The following RTN4RL1 variants were observed in gnomAD, a reference collection of about 807,000 sequenced individuals.
The protein encoded by RTN4RL1 is reticulon 4 receptor like 1.
In RTN4RL1, 7 loss-of-function variants were observed where a neutral mutation model predicts 25.6. The ratio of observed to expected loss-of-function variants is 0.27; its 90% CI spans 0.16 to 0.51. RTN4RL1 has a LOEUF of 0.51. Ranked by LOEUF, RTN4RL1 falls within the 20% of genes least tolerant of loss-of-function variation. RTN4RL1 has a pLI of 0.97. For missense variants in RTN4RL1, 500 were observed against 615.6 expected (o/e 0.81, Z 1.99); for synonymous variants, 297 against 288.2 (o/e 1.03, Z -0.31).
intron 1 of RTN4RL1, among the ~76,000 whole-genome samples, chr17:2,001,837 G>C (rs73976171): frequency 2.0e-5 from 3 of 151,922 alleles, no homozygotes; most frequent in South Asian, 2.1e-4. Flanking sequence ...GTGACTGCGG[G>C]ATTCTCCCCT....
At chr17:1,972,509 C>T (rs893412881) in intron 1 of RTN4RL1, among the ~76,000 whole-genome samples, 1 of 151,984 alleles carries the variant, frequency 6.6e-6, no homozygotes. Context: ...AGCCTGGCCA[C>T]CCTTGACCCT....
intron 1 of RTN4RL1, among the ~76,000 whole-genome samples, chr17:1,958,853 A>G (rs1163246373): frequency 6.6e-6 from 1 of 152,254 alleles, no homozygotes; most frequent in East Asian, 1.9e-4. Context: ...ATGGATCTTG[A>G]ATAAAATTGT....
chr17:1,951,872 C>T lies in RTN4RL1; in HGVS notation c.14-14064G>A, dbSNP rs557165145. On this transcript the variant is annotated intron_variant, in intron 1 of 1. Coordinates refer to ENST00000331238, the MANE Select transcript of RTN4RL1 (RefSeq NM_178568.4). ...GCGACTTGGAGGCCACTGGAAAGTT[C>T]CTTCCTGGCAGAAAGGCGGAGGCAG... Among the ~76,000 whole-genome samples, 31 of 152,256 alleles carry T rather than the reference C, an allele frequency of 2.0e-4. 1 individual carries two copies. The South Asian group carries it at 5.8e-3, about 29-fold the overall frequency.
At chr17:1,967,883 C>T (rs983244321) in intron 1 of RTN4RL1, among the ~76,000 whole-genome samples, 2 of 152,148 alleles carry the variant, frequency 1.3e-5, no homozygotes, top group Non-Finnish European at 2.9e-5. Context: ...TCAGGTGATC[C>T]ACTCGCCTCA....
chr17:2,002,970 TCA>T (rs1460621409), intron 1 of RTN4RL1: 1 of 152,254 alleles, frequency 6.6e-6, no homozygotes, highest in Non-Finnish European at 1.5e-5. Context: ...TGCTGCTCTC[TCA>T]GGACAAACCC....
intron 1 of RTN4RL1, among the ~76,000 whole-genome samples, chr17:2,015,634 G>T (rs9902057): frequency 0.01 from 1,558 of 152,330 alleles, 29 homozygotes; most frequent in African/African-American, 0.036. Context: ...ATAAGGAAAA[G>T]GTCTGTCGGG....
chr17:2,017,402 G>A (rs937164639), intron 1 of RTN4RL1, among the ~76,000 whole-genome samples: 11 of 152,144 alleles, frequency 7.2e-5, no homozygotes, highest in African/African-American at 1.9e-4. Flanking sequence ...GTCACGAGTC[G>A]TGCCCACCCA....
chr17:1,938,983 T>C (rs1915374340), intron 1 of RTN4RL1, among the ~76,000 whole-genome samples: 1 of 151,218 alleles, frequency 6.6e-6, no homozygotes, highest in South Asian at 2.1e-4. Flanking sequence ...GAGGCGGAGG[T>C]TGCAGTGAGC....
intron 1 of RTN4RL1, among the ~76,000 whole-genome samples, chr17:1,951,248 G>T (rs1036183523): frequency 2.0e-5 from 3 of 151,130 alleles, no homozygotes; most frequent in African/African-American, 7.3e-5. Context: ...CTGGGCGACA[G>T]AGCGAGACTC....
chr17:1,961,804 A>G (rs141436425), intron 1 of RTN4RL1, among the ~76,000 whole-genome samples: 30,533 of 134,344 alleles, frequency 0.23, 4,774 homozygotes, highest in Non-Finnish European at 0.32. Context: ...AAAAATTAGC[A>G]GGGCGTGGTG....
At chr17:2,002,261 TTCTTTCTC>T (rs2066963070) in intron 1 of RTN4RL1, among the ~76,000 whole-genome samples, 1 of 150,164 alleles carries the variant, frequency 6.7e-6, no homozygotes, top group South Asian at 2.1e-4. Flanking sequence ...CCTTTCTTTT[TTCTTTCTC>T]TCTTTCTCTT....
rs143633744 is a variant in RTN4RL1 at position 1,970,061 on chromosome 17, G to A, written c.14-32253C>T. Among the ~76,000 whole-genome samples, 114 of 142,406 alleles carry A rather than the reference G, an allele frequency of 8.0e-4. 4 individuals are homozygous for A. The South Asian group carries it at 0.022, about 27-fold the overall frequency. The allele number at this position is 142,406 out of a possible 152,430, so 93.4% of individuals were successfully genotyped here. Reference sequence around the variant, plus strand: ...TTTTGAGATAGAGTTTCACTCTGTCGTCTAGGCTGGAGTGCAATGGCGCAA... The same window carrying A: ...TTTTGAGATAGAGTTTCACTCTGTCATCTAGGCTGGAGTGCAATGGCGCAA... On this transcript the variant is annotated intron_variant, in intron 1 of 1. Transcript: ENST00000331238.
At chr17:1,978,633 TGG>T (rs35569086) in intron 1 of RTN4RL1, among the ~76,000 whole-genome samples, 2 of 146,512 alleles carry the variant, frequency 1.4e-5, no homozygotes, top group Non-Finnish European at 1.5e-5. Context: ...ATCCGGAAAA[TGG>T]GGGGGGTGGA....
chr17:1,940,455 C>T (rs1480818209), intron 1 of RTN4RL1, among the ~76,000 whole-genome samples: 2 of 152,258 alleles, frequency 1.3e-5, no homozygotes, highest in Admixed American at 6.5e-5. Context: ...TCCTACCACA[C>T]GTAGGAGATG....
At chr17:1,949,081 A>T (rs532241545) in intron 1 of RTN4RL1, among the ~76,000 whole-genome samples, 6 of 151,176 alleles carry the variant, frequency 4.0e-5, no homozygotes, top group Non-Finnish European at 8.8e-5. Flanking sequence ...CTCAGCCTCC[A>T]GAGTAGCTGG....
intron 1 of RTN4RL1, among the ~76,000 whole-genome samples, chr17:1,974,686 A>T (rs1217773685): frequency 1.4e-5 from 2 of 137,950 alleles, no homozygotes; most frequent in African/African-American, 2.7e-5. Flanking sequence ...CAGAGCGAGA[A>T]CTTTGGTCAG....
Position 1,974,572 on chromosome 17 carries a change from C to T in RTN4RL1, c.14-36764G>A, listed in dbSNP as rs574596661. 2.0e-5 allele frequency among the ~76,000 whole-genome samples: 3 copies of T among 152,232 alleles called. No individual in the cohort carries two copies. The South Asian group carries it at 6.2e-4, about 32-fold the overall frequency. ...GGGCATCCACAGGGATAGTAAATAA[C>T]AGGCAAGAACCCACTGGTGTTACTA... On this transcript the variant is annotated intron_variant, in intron 1 of 1. Transcript: ENST00000331238.
chr17:2,012,247 G>A (rs1043782190), intron 1 of RTN4RL1, among the ~76,000 whole-genome samples: 2 of 152,200 alleles, frequency 1.3e-5, no homozygotes, highest in Admixed American at 1.3e-4. Flanking sequence ...CCAAGCGAGA[G>A]GTTATTTTCC....
chr17:1,941,821 C>A (rs1443948331), intron 1 of RTN4RL1, among the ~76,000 whole-genome samples: 1 of 152,160 alleles, frequency 6.6e-6, no homozygotes, highest in Non-Finnish European at 1.5e-5. Flanking sequence ...TCTGGTACCC[C>A]CTGCCAGAGC....
Sources: allele counts gnomAD v4.1 joint callset (sites outside exome capture counted in the v4.1 genomes callset), GRCh38; gene constraint gnomAD v4.1.1; transcripts MANE v1.5; gene names NCBI Gene and HGNC (gene_info 2026-07-23, HGNC 2026-07-21).